FBXL17: variants seen among roughly 807,000 people sequenced by gnomAD.
FBXL17 encodes F-box/LRR-repeat protein 17.
FBXL17 carries 22 observed loss-of-function variants against 66.2 expected under a neutral mutation model. The ratio of observed to expected loss-of-function variants is 0.33; its 90% confidence interval spans 0.24 to 0.47. FBXL17 has a LOEUF of 0.47. Among genes scored for constraint, FBXL17 ranks in the 20% least tolerant of loss-of-function variants. The probability of loss-of-function intolerance (pLI) is 1.00; values close to 1 mark genes in which losing one functional copy is unlikely to be tolerated. For missense variants in FBXL17, 878 were observed against 948.2 expected, an observed-to-expected ratio of 0.93 and a Z score of 0.97; for synonymous variants, 474 against 400.5, an observed-to-expected ratio of 1.18 and a Z score of -2.19.
intron 6 of FBXL17, among the ~76,000 whole-genome samples, chr5:108,080,037 T>C (rs1018262829): frequency 6.6e-6 from 1 of 152,182 alleles, no homozygotes; most frequent in African/African-American, 2.4e-5. Flanking sequence ...AGTGCTTTTG[T>C]ATAGGATTGA....
chr5:107,883,858 C>T (rs1748876281), intron 7 of FBXL17, among the ~76,000 whole-genome samples: 1 of 152,158 alleles, frequency 6.6e-6, no homozygotes, highest in South Asian at 2.1e-4. Context: ...CCTCACAGAA[C>T]AGCTGAGTTA....
chr5:108,364,801 A>G lies in FBXL17; in HGVS notation c.1311T>C (p.Cys437=). 1 of 1,612,812 alleles carries G rather than the reference A, an allele frequency of 6.2e-7. No individual in the cohort carries two copies. Among genetic ancestry groups the G allele is most frequent in the Non-Finnish European group, 8.5e-7 (1 of 1,179,056 alleles). Residue 437 remains cysteine, a synonymous_variant, in exon 3 of 9, where the codon TGT becomes TGC. Coordinates refer to ENST00000542267, the MANE Select transcript of FBXL17 (RefSeq NM_001163315.3). ...DTSIIAVASH[C]PLLQKVHVGN... ...CTACATGCACTTTCTGAAGTAAAGG[A>G]CAGTGAGAGGCAACCGCAATAATAG...
At chr5:107,950,609 A>G (rs1751467977) in intron 7 of FBXL17, among the ~76,000 whole-genome samples, 2 of 152,172 alleles carry the variant, frequency 1.3e-5, no homozygotes. Context: ...GATGTCTCAT[A>G]TGGTCTCATC....
intron 4 of FBXL17, among the ~76,000 whole-genome samples, chr5:108,304,201 A>G (rs1326281817): frequency 1.3e-5 from 2 of 152,002 alleles, no homozygotes. Context: ...ATTTCTATGA[A>G]AATTTTTATC....
intron 4 of FBXL17, among the ~76,000 whole-genome samples, chr5:108,271,537 T>C (rs761272917): frequency 3.9e-5 from 6 of 152,204 alleles, no homozygotes; most frequent in Non-Finnish European, 7.3e-5. Context: ...TTATCAAGGA[T>C]GGGCAGCTAC....
chr5:107,966,729 T>C (rs1469530620), intron 7 of FBXL17, among the ~76,000 whole-genome samples: 1 of 152,122 alleles, frequency 6.6e-6, no homozygotes, highest in Admixed American at 6.6e-5. Flanking sequence ...AAGTGCACAA[T>C]TCAGTGGCAT....
intron 6 of FBXL17, among the ~76,000 whole-genome samples, chr5:108,059,583 A>C (rs1246375970): frequency 6.6e-6 from 1 of 152,186 alleles, no homozygotes; most frequent in Non-Finnish European, 1.5e-5. Context: ...AGCTATGAGC[A>C]CTGCAGGAGA....
chr5:108,257,966 G>T (rs537014696), intron 4 of FBXL17, among the ~76,000 whole-genome samples: 21 of 152,200 alleles, frequency 1.4e-4, no homozygotes, highest in South Asian at 1.2e-3. Context: ...CTCAAAGACT[G>T]ATCACATTAA....
intron 7 of FBXL17, among the ~76,000 whole-genome samples, chr5:108,000,700 A>G (rs1753688856): frequency 6.6e-6 from 1 of 152,228 alleles, no homozygotes; most frequent in African/African-American, 2.4e-5. Context: ...AGAGAGTATC[A>G]TATACCAGAA....
At chr5:108,229,810 T>C (rs1755248966) in intron 4 of FBXL17, among the ~76,000 whole-genome samples, 3 of 152,042 alleles carry the variant, frequency 2.0e-5, no homozygotes, top group Admixed American at 6.6e-5. Context: ...ATCTTCAAAA[T>C]CTATGCATCT....
intron 6 of FBXL17, among the ~76,000 whole-genome samples, chr5:108,134,405 T>C (rs1751052113): frequency 6.6e-6 from 1 of 152,154 alleles, no homozygotes; most frequent in Admixed American, 6.5e-5. Flanking sequence ...ATACATGAGG[T>C]TTTCTTAAAC....
At chr5:108,226,915 T>TTGTACTTC (rs1755125272) in intron 4 of FBXL17, among the ~76,000 whole-genome samples, 1 of 152,156 alleles carries the variant, frequency 6.6e-6, no homozygotes, top group African/African-American at 2.4e-5. Context: ...CCATTAGTTT[T>TTGTACTTC]TGTACTTCTC....
At chr5:108,335,899 A>T (rs1282122983) in intron 4 of FBXL17, among the ~76,000 whole-genome samples, 2 of 151,990 alleles carry the variant, frequency 1.3e-5, no homozygotes, top group Non-Finnish European at 2.9e-5. Flanking sequence ...CTAGAAAAAG[A>T]TATTACTTCT....
At chr5:108,181,923 T>C (rs1415969385) in intron 6 of FBXL17, among the ~76,000 whole-genome samples, 1 of 152,096 alleles carries the variant, frequency 6.6e-6, no homozygotes, top group Admixed American at 6.6e-5. Context: ...ATACATCCAC[T>C]GAAAAGCCAA....
intron 3 of FBXL17, among the ~76,000 whole-genome samples, chr5:108,352,497 T>C (rs946891999): frequency 6.6e-6 from 1 of 152,172 alleles, no homozygotes; most frequent in Non-Finnish European, 1.5e-5. Flanking sequence ...AGAAATAGAA[T>C]ACAATTCTTT....
At chr5:108,380,163 T>C (rs898446141) in intron 1 of FBXL17, among the ~76,000 whole-genome samples, 1 of 152,210 alleles carries the variant, frequency 6.6e-6, no homozygotes, top group Admixed American at 6.5e-5. Flanking sequence ...AGTTTCTTCC[T>C]GTATAAAATA....
chr5:108,017,876 T>C (rs1372430012), intron 7 of FBXL17, among the ~76,000 whole-genome samples: 1 of 152,142 alleles, frequency 6.6e-6, no homozygotes, highest in Admixed American at 6.6e-5. Flanking sequence ...GCATGATCGT[T>C]TTCTTTATGA....
At chr5:108,213,955 G>A (rs1754487027) in intron 5 of FBXL17, among the ~76,000 whole-genome samples, 1 of 152,032 alleles carries the variant, frequency 6.6e-6, no homozygotes, top group Admixed American at 6.6e-5. Flanking sequence ...CCAATCTGGG[G>A]CTTGTCTCCT....
chr5:108,183,857 A>C (rs1753113700), intron 6 of FBXL17, among the ~76,000 whole-genome samples: 1 of 151,996 alleles, frequency 6.6e-6, no homozygotes, highest in African/African-American at 2.4e-5. Context: ...TAGAATAATG[A>C]CCTCCAGTTC....
Sources: allele counts gnomAD v4.1 joint callset (sites outside exome capture counted in the v4.1 genomes callset), GRCh38; gene constraint gnomAD v4.1.1; transcripts MANE v1.5; gene names NCBI Gene and HGNC (gene_info 2026-07-23, HGNC 2026-07-21).